DIAPH3: variants seen among roughly 807,000 people sequenced by gnomAD.
DIAPH3 encodes diaphanous related formin 3.
DIAPH3 carries 117 observed loss-of-function variants against 144.3 expected under a neutral mutation model. That is an observed-to-expected ratio of 0.81 (90% CI 0.70 to 0.95). DIAPH3 has a LOEUF of 0.95. DIAPH3 is among the 40% of genes least tolerant of loss of function. The pLI is 0.00. For synonymous variants in DIAPH3, 519 were observed against 488.9 expected (o/e 1.06, Z -0.81); for missense variants, 1,421 against 1,412.7 (o/e 1.01, Z -0.09).
At chr13:59,877,822 C>A (rs1202346877) in intron 21 of DIAPH3, among the ~76,000 whole-genome samples, 1 of 151,916 alleles carries the variant, frequency 6.6e-6, no homozygotes, top group Non-Finnish European at 1.5e-5. Context: ...ACTCACTGTA[C>A]TCACACATGC....
chr13:60,136,779 CA>C (rs952833162), intron 1 of DIAPH3, among the ~76,000 whole-genome samples: 66 of 145,326 alleles, frequency 4.5e-4, no homozygotes, highest in Admixed American at 4.8e-4. Context: ...ACTAAAAATA[CA>C]AAAAAAAAAA....
At chr13:60,000,084 A>C (rs933492269) in intron 9 of DIAPH3, among the ~76,000 whole-genome samples, 1 of 152,194 alleles carries the variant, frequency 6.6e-6, no homozygotes, top group Non-Finnish European at 1.5e-5. Context: ...ATACGGGTTA[A>C]GACCATGTGT....
At chr13:59,935,541 T>C (rs2048221816) in intron 17 of DIAPH3, among the ~76,000 whole-genome samples, 1 of 152,154 alleles carries the variant, frequency 6.6e-6, no homozygotes, top group Non-Finnish European at 1.5e-5. Flanking sequence ...AAGCAAATGA[T>C]ACAGAATACA....
intron 18 of DIAPH3, among the ~76,000 whole-genome samples, chr13:59,920,798 C>G (rs907457762): frequency 1.3e-5 from 2 of 151,786 alleles, no homozygotes; most frequent in African/African-American, 4.8e-5. Flanking sequence ...ATCCTTCTCT[C>G]AACTGCACAT....
chr13:59,707,614 A>G (rs191288972), intron 27 of DIAPH3, among the ~76,000 whole-genome samples: 7 of 152,318 alleles, frequency 4.6e-5, no homozygotes, highest in Middle Eastern at 3.4e-3. Context: ...AAGGTTTAAT[A>G]TTTCTATGAA....
At chr13:59,879,529 G>C in intron 20 of DIAPH3, 61 bp from the exon 21 acceptor site, 3 of 1,599,142 alleles carry the variant, frequency 1.9e-6, no homozygotes, top group Non-Finnish European at 2.6e-6. Flanking sequence ...AGTACTGTAC[G>C]ACTGCAAGTA....
intron 27 of DIAPH3, among the ~76,000 whole-genome samples, chr13:59,692,333 T>G (rs1301753887): frequency 6.6e-6 from 1 of 151,330 alleles, no homozygotes. Context: ...GCCAAAGAGG[T>G]CATTTAAATC....
At chr13:60,146,590 C>T (rs561202462) in intron 1 of DIAPH3, among the ~76,000 whole-genome samples, 5 of 152,252 alleles carry the variant, frequency 3.3e-5, no homozygotes, top group South Asian at 4.2e-4. Flanking sequence ...ACAGTGAAAT[C>T]CTAACACATT....
chr13:60,132,962 C>T lies in DIAPH3; in HGVS notation c.208G>A (p.Asp70Asn). ...FHLNIRTLTDDMLDKFASIRI... is the reference protein window; with the variant it reads ...FHLNIRTLTDNMLDKFASIRI... The stretch of plus-strand genomic sequence containing the variant: ...AAAGTTGAGGATAATCTTACCATAT[C>T]ATCCGTCAGTGTCCTAATATTTAAA... Residue 70 changes from aspartate to asparagine, a missense_variant, in exon 2 of 28, where the codon GAT becomes AAT. Asp to Asn is a conservative substitution (Grantham distance 23, BLOSUM62 1). Transcript: ENST00000400324. 6.2e-7 allele frequency: 1 copy of T among 1,607,102 alleles called. No homozygotes were observed. The highest frequency in any genetic ancestry group is 1.3e-5 in the African/African-American group (1 of 74,846).
rs1220022222 is a variant in DIAPH3 at position 59,808,337 on chromosome 13, G to A, written c.3163+2451C>T. On this transcript the variant is annotated intron_variant, in intron 25 of 27. Coordinates refer to ENST00000400324, the MANE Select transcript of DIAPH3 (RefSeq NM_001042517.2). ...AGGAACTAAAAATGAACTTATAAAC[G>A]CTTTTTAAAAGTCCAACTTTAGTAA... Among the ~76,000 whole-genome samples, 5 of 151,756 alleles carry A rather than the reference G, an allele frequency of 3.3e-5. 1 individual carries two copies. In the South Asian group the frequency reaches 1.0e-3, roughly 32 times the overall value.
intron 25 of DIAPH3, among the ~76,000 whole-genome samples, chr13:59,775,328 T>C (rs2038350591): frequency 6.6e-6 from 1 of 151,730 alleles, no homozygotes; most frequent in Non-Finnish European, 1.5e-5. Flanking sequence ...CTGCAAGCCC[T>C]GCCTTCCAGG....
rs377455280 is a variant in DIAPH3 at position 59,970,866 on chromosome 13, A to G, written c.1945T>C (p.Leu649=). The change falls in exon 16 of 28, where the codon TTG becomes CTG. Residue 649 remains leucine, a synonymous_variant. Coordinates refer to ENST00000400324, the MANE Select transcript of DIAPH3 (RefSeq NM_001042517.2). ...ATTTCTTTTACCTTTAACCAATTCA[A>G]TCTTCTCATGCTGATTTCAGGTTTA... ...EFKPEISMRR[L]NWLKIRPHEM... 7.4e-6 allele frequency: 12 copies of G among 1,612,610 alleles called. No individual in the cohort carries two copies. The Admixed American group carries it at 1.8e-4, about 25-fold the overall frequency.
intron 18 of DIAPH3, among the ~76,000 whole-genome samples, chr13:59,922,343 T>C (rs1210451994): frequency 6.6e-6 from 1 of 152,096 alleles, no homozygotes; most frequent in East Asian, 1.9e-4. Flanking sequence ...TCCTAGTGTC[T>C]GGAAACCTTT....
chr13:59,708,086 A>G (rs904628574), intron 27 of DIAPH3, among the ~76,000 whole-genome samples: 1 of 151,452 alleles, frequency 6.6e-6, no homozygotes, highest in Non-Finnish European at 1.5e-5. Flanking sequence ...TTTTAGAGAC[A>G]GCATCTGGCT....
intron 15 of DIAPH3, among the ~76,000 whole-genome samples, chr13:59,971,943 T>C (rs1008088347): frequency 1.3e-5 from 2 of 152,210 alleles, no homozygotes; most frequent in African/African-American, 4.8e-5. Context: ...TGACCACTCA[T>C]TTTACACTGA....
At chr13:59,934,533 A>G (rs2140347183) in intron 17 of DIAPH3, among the ~76,000 whole-genome samples, 2 of 152,264 alleles carry the variant, frequency 1.3e-5, no homozygotes, top group Middle Eastern at 6.8e-3. Context: ...AAATGGGGAG[A>G]TATCTATGAA....
At position 60,029,567 on chromosome 13, in the gene DIAPH3, G is replaced by T. The variant is rs143045262; in HGVS notation, c.626+13123C>A. Among the ~76,000 whole-genome samples the T allele has an allele frequency of 2.2e-4, 33 of 152,274 alleles. 1 individual carries two copies. The highest frequency in any genetic ancestry group is 7.7e-4 in the African/African-American group (32 of 41,562). The stretch of plus-strand genomic sequence containing the variant: ...CTCACAAGATCTGATGGCTTTATAA[G>T]GGGAATTTGGCATTTGCCCTGCTTC... On this transcript the variant is annotated intron_variant, in intron 5 of 27. Coordinates refer to ENST00000400324, the MANE Select transcript of DIAPH3 (RefSeq NM_001042517.2).
At chr13:60,123,323 T>C (rs542616705) in intron 2 of DIAPH3, among the ~76,000 whole-genome samples, 7 of 152,330 alleles carry the variant, frequency 4.6e-5, no homozygotes, top group Non-Finnish European at 7.3e-5. Flanking sequence ...TCCATATTTG[T>C]ATTTCTAAAA....
At chr13:59,812,366 T>C (rs1391270185) in intron 24 of DIAPH3, among the ~76,000 whole-genome samples, 2 of 149,938 alleles carry the variant, frequency 1.3e-5, no homozygotes, top group Non-Finnish European at 3.0e-5. Flanking sequence ...GACTACTAAA[T>C]AGTATTGTTG....
Sources: gnomAD v4.1 joint callset for allele counts (sites outside exome capture counted in the v4.1 genomes callset) on GRCh38, gnomAD v4.1.1 for gene constraint, MANE v1.5 for transcripts, NCBI Gene and HGNC (gene_info 2026-07-23, HGNC 2026-07-21) for gene names.